OSBPL2: variants seen among roughly 807,000 people sequenced by gnomAD.
OSBPL2 encodes the protein oxysterol-binding protein-related protein 2.
OSBPL2 carries 18 observed loss-of-function variants against 58.4 expected under a neutral mutation model. The observed-to-expected ratio is 0.31, with a 90% CI of 0.21 to 0.46. The LOEUF (loss-of-function observed/expected upper bound fraction) is 0.46, where lower values mean the gene tolerates loss of function less well. Ranked by LOEUF, OSBPL2 falls within the 20% of genes least tolerant of loss-of-function variation. The probability of loss-of-function intolerance (pLI) is 1.00; values close to 1 mark genes in which losing one functional copy is unlikely to be tolerated. For missense variants in OSBPL2, 461 were observed against 616.5 expected (o/e 0.75, Z 2.67); for synonymous variants, 221 against 234.1 (o/e 0.94, Z 0.51).
chr20:62,265,611 A>G (rs1326374896), intron 4 of OSBPL2, among the ~76,000 whole-genome samples: 1 of 152,226 alleles, frequency 6.6e-6, no homozygotes. Context: ...AGCACTGGAA[A>G]ATACGAGTGT....
chr20:62,259,474 T>A (rs1157330890), intron 2 of OSBPL2, among the ~76,000 whole-genome samples: 2 of 152,190 alleles, frequency 1.3e-5, no homozygotes, highest in East Asian at 3.9e-4. Context: ...TCCATGATTG[T>A]TCCCTATCTG....
rs1452312521 is a variant in OSBPL2, at chr20:62,296,171, G to A, written c.*2284G>A. ...AATGTTAAACATCTCTAATAAAGAT[G>A]GCCACCACTTAATGTGTGGAAAGTG... On this transcript the variant is annotated 3_prime_UTR_variant, in exon 14 of 14. Coordinates refer to ENST00000313733, the MANE Select transcript of OSBPL2 (RefSeq NM_144498.4). The A allele has an allele frequency of 6.6e-6, 1 of 152,158 alleles. No homozygotes were observed. Among genetic ancestry groups the A allele is most frequent in the Non-Finnish European group, 1.5e-5 (1 of 68,034 alleles). The allele number at this position is 152,158 out of a possible 1,614,324, so 9.4% of individuals were successfully genotyped here.
chr20:62,260,241 G>C (rs1321102859), intron 3 of OSBPL2, 116 bp downstream of exon 3: 4 of 969,286 alleles, frequency 4.1e-6, no homozygotes, highest in Non-Finnish European at 6.2e-6. Flanking sequence ...CCCCACAGCT[G>C]TCTGGCCTCC....
intron 1 of OSBPL2, among the ~76,000 whole-genome samples, chr20:62,253,695 G>A (rs1461161789): frequency 6.7e-6 from 1 of 148,926 alleles, no homozygotes; most frequent in Non-Finnish European, 1.5e-5. Context: ...GAGAGCGGGA[G>A]AGAGAGAGGA....
At chr20:62,266,662 AC>A (rs1568838140) in intron 4 of OSBPL2, among the ~76,000 whole-genome samples, 2 of 152,192 alleles carry the variant, frequency 1.3e-5, no homozygotes, top group African/African-American at 4.8e-5. Flanking sequence ...TGTTTGGTCC[AC>A]ACCCCCCACT....
In OSBPL2 at chr20:62,279,239, C is replaced by T; in HGVS notation, c.574C>T (p.His192Tyr). Reference sequence around the variant, plus strand: ...TGCGTTCCACTCGGAAGGTCTCAACCATGACTTCCTGTTCCATGGCTCCAT... The same window carrying T: ...TGCGTTCCACTCGGAAGGTCTCAACTATGACTTCCTGTTCCATGGCTCCAT... ...ISAFHSEGLN[H>Y]DFLFHGSIYP... Residue 192 changes from histidine (H) to tyrosine (Y), a missense_variant, in exon 7 of 14, where the codon CAT becomes TAT. Physicochemically the swap from His to Tyr is moderately conservative, Grantham distance 83. Transcript: ENST00000313733. The T allele has an allele frequency of 6.2e-7, 1 of 1,614,228 alleles. No individual in the cohort carries two copies.
intron 4 of OSBPL2, among the ~76,000 whole-genome samples, chr20:62,271,258 G>A (rs144252092): frequency 0.022 from 110 of 4,890 alleles, no homozygotes; most frequent in African/African-American, 0.024. Context: ...TAAGCCATGC[G>A]CCCTGCCGTC....
At chr20:62,267,016 G>A (rs1981713820) in intron 4 of OSBPL2, among the ~76,000 whole-genome samples, 2 of 152,220 alleles carry the variant, frequency 1.3e-5, no homozygotes, top group Admixed American at 1.3e-4. Context: ...GTCAGAGGCT[G>A]AGGCGAGAGG....
chr20:62,274,405 A>G (rs1173154300), intron 6 of OSBPL2, among the ~76,000 whole-genome samples: 1 of 152,102 alleles, frequency 6.6e-6, no homozygotes, highest in Non-Finnish European at 1.5e-5. Context: ...GTGATGTCTA[A>G]AATGATTTTT....
At chr20:62,277,061 C>T (rs1048239478) in intron 6 of OSBPL2, among the ~76,000 whole-genome samples, 8 of 151,936 alleles carry the variant, frequency 5.3e-5, no homozygotes, top group Non-Finnish European at 1.0e-4. Flanking sequence ...CTAGCCTGGC[C>T]GACATGGTGA....
chr20:62,287,263 A>G (rs1351546152), intron 11 of OSBPL2, among the ~76,000 whole-genome samples: 3 of 152,352 alleles, frequency 2.0e-5, no homozygotes, highest in African/African-American at 7.2e-5. Flanking sequence ...TAAATATCAC[A>G]CGTAATATCT....
chr20:62,268,049 A>ATTTTTTTTT (rs149417240), intron 4 of OSBPL2, among the ~76,000 whole-genome samples: 177 of 116,048 alleles, frequency 1.5e-3, no homozygotes, highest in Non-Finnish European at 1.8e-3. Flanking sequence ...TGCCCGGCTA[A>ATTTTTTTTT]TTTTTTTTTT....
At chr20:62,271,650 CTG>C (rs1982070534) in intron 4 of OSBPL2, 1 of 158,620 alleles carries the variant, frequency 6.3e-6, no homozygotes, top group Non-Finnish European at 1.4e-5. Context: ...CAGGGTTTCG[CTG>C]TGTTGGCCAG....
chr20:62,293,866 C>A lies in OSBPL2; in HGVS notation c.1422C>A (p.Ser474=). 6.2e-7 allele frequency: 1 copy of A among 1,613,956 alleles called. No individual in the cohort carries two copies. Among genetic ancestry groups the A allele is most frequent in the Non-Finnish European group, 8.5e-7 (1 of 1,179,938 alleles). ...YAGDYFERNF[S]DCPDIY ...GGGATTACTTTGAGCGGAATTTCTC[C>A]GACTGCCCAGATATCTACTGAGGGC... Residue 474 remains serine (S), a synonymous_variant, in exon 14 of 14, where the codon TCC becomes TCA. Transcript: ENST00000313733.
chr20:62,262,791 C>T (rs1219241917), intron 3 of OSBPL2, among the ~76,000 whole-genome samples: 2 of 152,274 alleles, frequency 1.3e-5, no homozygotes, highest in Admixed American at 1.3e-4. Flanking sequence ...AGGCAAAACG[C>T]CCCTCAAAGC....
At chr20:62,274,278 C>G (rs1982247747) in intron 6 of OSBPL2, among the ~76,000 whole-genome samples, 1 of 152,204 alleles carries the variant, frequency 6.6e-6, no homozygotes, top group Non-Finnish European at 1.5e-5. Context: ...CAAAAGCAGG[C>G]CAGACCATGG....
intron 13 of OSBPL2, among the ~76,000 whole-genome samples, chr20:62,293,476 G>A (rs763739450): frequency 6.6e-6 from 1 of 152,246 alleles, no homozygotes; most frequent in Non-Finnish European, 1.5e-5. Flanking sequence ...TGAAAAGGGA[G>A]AGGCATTATT....
At chr20:62,244,652 G>A (rs965519925) in intron 1 of OSBPL2, among the ~76,000 whole-genome samples, 3 of 152,266 alleles carry the variant, frequency 2.0e-5, no homozygotes, top group East Asian at 1.9e-4. Flanking sequence ...CTCGAGGTGC[G>A]TGGTGTATTT....
chr20:62,252,584 G>A (rs147805007), intron 1 of OSBPL2, among the ~76,000 whole-genome samples: 63 of 152,330 alleles, frequency 4.1e-4, no homozygotes, highest in Non-Finnish European at 8.1e-4. Flanking sequence ...CTGCTGAGTC[G>A]CCGTGGTGTG....
Sources: allele counts gnomAD v4.1 joint callset (sites outside exome capture counted in the v4.1 genomes callset), GRCh38; gene constraint gnomAD v4.1.1; transcripts MANE v1.5; gene names NCBI Gene and HGNC (gene_info 2026-07-23, HGNC 2026-07-21).